MAN1C1: variants seen among roughly 807,000 people sequenced by gnomAD.
MAN1C1 encodes the protein mannosyl-oligosaccharide 1,2-alpha-mannosidase IC.
In MAN1C1, 49 loss-of-function variants were observed where a neutral mutation model predicts 71.5. That is an observed-to-expected ratio of 0.69 (90% CI 0.54 to 0.87). MAN1C1 has a LOEUF of 0.87. MAN1C1 is among the 40% of genes least tolerant of loss of function. The pLI is 0.00. For missense variants in MAN1C1, 743 were observed against 835.0 expected (o/e 0.89, Z 1.36); for synonymous variants, 352 against 343.7 (o/e 1.02, Z -0.27).
At chr1:25,716,435 C>T (rs986632380) in intron 2 of MAN1C1, among the ~76,000 whole-genome samples, 1 of 152,216 alleles carries the variant, frequency 6.6e-6, no homozygotes, top group African/African-American at 2.4e-5. Context: ...CAGGCTTAAG[C>T]CATCCTCCCA....
rs1011599704 is a variant in MAN1C1, at chr1:25,784,046, T to C, written c.*257T>C. The C allele has an allele frequency of 4.7e-5, 19 of 403,322 alleles. No individual in the cohort carries two copies. The highest frequency in any genetic ancestry group is 8.4e-5 in the Non-Finnish European group (19 of 225,454). The allele number at this position is 403,322 out of a possible 1,614,324, so 25.0% of individuals were successfully genotyped here. The stretch of plus-strand genomic sequence containing the variant: ...TTCTATGAAGCCCACTCACTTGCCA[T>C]TCCAGGGCCAAAGGACCGGAGGTTT... On this transcript the variant is annotated 3_prime_UTR_variant, in exon 12 of 12. Coordinates refer to ENST00000374332, the MANE Select transcript of MAN1C1 (RefSeq NM_020379.4).
intron 1 of MAN1C1, among the ~76,000 whole-genome samples, chr1:25,662,321 C>A (rs773696811): frequency 1.2e-4 from 18 of 152,108 alleles, no homozygotes; most frequent in African/African-American, 3.6e-4. Flanking sequence ...TTCTGGAGAA[C>A]GAGCCTTCAT....
At chr1:25,663,152 A>G (rs887600662) in intron 1 of MAN1C1, among the ~76,000 whole-genome samples, 5 of 148,036 alleles carry the variant, frequency 3.4e-5, no homozygotes, top group African/African-American at 9.8e-5. Context: ...TTTTAAATAC[A>G]TGTATATATA....
intron 2 of MAN1C1, among the ~76,000 whole-genome samples, chr1:25,699,370 G>A (rs942339421): frequency 1.3e-5 from 2 of 152,066 alleles, no homozygotes; most frequent in African/African-American, 4.8e-5. Flanking sequence ...AGAAACACAT[G>A]GGCAAAGTCC....
chr1:25,677,153 G>A (rs954633988), intron 1 of MAN1C1, among the ~76,000 whole-genome samples: 7 of 152,158 alleles, frequency 4.6e-5, no homozygotes, highest in African/African-American at 7.2e-5. Flanking sequence ...AAAAAATTCC[G>A]TGTCATTTTG....
intron 1 of MAN1C1, among the ~76,000 whole-genome samples, chr1:25,663,494 CTACTG>C (rs1319148881): frequency 6.6e-6 from 1 of 152,188 alleles, no homozygotes; most frequent in Non-Finnish European, 1.5e-5. Flanking sequence ...AACAATTAAT[CTACTG>C]TAATAAAAAT....
In MAN1C1 at chr1:25,617,821, C is replaced by T; in HGVS notation, c.24C>T (p.Gly8=). 1 of 1,603,754 alleles carries T rather than the reference C, an allele frequency of 6.2e-7. No individual in the cohort carries two copies. Among genetic ancestry groups the T allele is most frequent in the Non-Finnish European group, 8.5e-7 (1 of 1,176,332 alleles). MLMRKVP[G]FVPASPWGLR... ...CGATGCTCATGAGGAAAGTGCCCGG[C>T]TTCGTCCCGGCCTCCCCGTGGGGGC... The change falls in exon 1 of 12, where the codon GGC becomes GGT. Residue 8 remains glycine (G), a synonymous_variant. Transcript: ENST00000374332. The surrounding 1 kb of genome is among the most constrained non-coding windows in gnomAD (Gnocchi z 5.1).
At chr1:25,654,947 G>C (rs1033393068) in intron 1 of MAN1C1, among the ~76,000 whole-genome samples, 3 of 152,128 alleles carry the variant, frequency 2.0e-5, no homozygotes, top group African/African-American at 7.2e-5. Flanking sequence ...GTCGGGCCTA[G>C]GCTGTAAATT....
intron 2 of MAN1C1, among the ~76,000 whole-genome samples, chr1:25,727,371 CG>C (rs1304356898): frequency 6.6e-6 from 1 of 152,206 alleles, no homozygotes; most frequent in African/African-American, 2.4e-5. Flanking sequence ...GAACTCCTCA[CG>C]GGTCCCCAGT....
intron 2 of MAN1C1, among the ~76,000 whole-genome samples, chr1:25,744,774 T>C (rs2047105911): frequency 6.6e-6 from 1 of 152,238 alleles, no homozygotes; most frequent in East Asian, 1.9e-4. Flanking sequence ...AAGCACTCAT[T>C]AAGGAGATTA....
At chr1:25,770,772 C>T (rs1171729079) in intron 7 of MAN1C1, among the ~76,000 whole-genome samples, 1 of 141,750 alleles carries the variant, frequency 7.1e-6, no homozygotes, top group Admixed American at 7.7e-5. Context: ...GAGTTGAAAA[C>T]ACTCTGCCCA....
chr1:25,702,584 C>CAGTTAA (rs2046461312), intron 2 of MAN1C1, among the ~76,000 whole-genome samples: 1 of 152,206 alleles, frequency 6.6e-6, no homozygotes, highest in Non-Finnish European at 1.5e-5. Context: ...TAAACAGAAG[C>CAGTTAA]ACAGGCTTTG....
rs575791203 is a variant in MAN1C1, at chr1:25,782,973, C to T, written c.1766+273C>T. On this transcript the variant is annotated intron_variant, in intron 11 of 11. Coordinates refer to ENST00000374332, the MANE Select transcript of MAN1C1 (RefSeq NM_020379.4). The surrounding 1 kb of genome is among the most constrained non-coding windows in gnomAD (Gnocchi z 4.4). ...GTTTCTCGCTTATCTCCCCAGGTTG[C>T]TTCCGTTCTGGGAACCGCGTCCTCG... 3.3e-5 allele frequency among the ~76,000 whole-genome samples: 5 copies of T among 152,304 alleles called. No individual in the cohort carries two copies. The South Asian group carries it at 1.0e-3, about 32-fold the overall frequency.
At position 25,769,798 on chromosome 1, in the gene MAN1C1, T is replaced by C. The variant is rs2047521731; in HGVS notation, c.1142-1859T>C. 6.6e-6 allele frequency among the ~76,000 whole-genome samples: 1 copy of C among 152,202 alleles called. No individual in the cohort carries two copies. The highest frequency in any genetic ancestry group is 2.1e-4 in the South Asian group (1 of 4,834). On this transcript the variant is annotated intron_variant, in intron 7 of 11. Coordinates refer to ENST00000374332, the MANE Select transcript of MAN1C1 (RefSeq NM_020379.4). This position sits in a 1 kb window ranked among gnomAD's most constrained non-coding sequence, Gnocchi z 4.8. ...AGGCAGACCCGTACGCAGGCACTCATCGCACACCCGGCGGGCACCCGATGG... is the reference window on the plus strand; with the variant it reads ...AGGCAGACCCGTACGCAGGCACTCACCGCACACCCGGCGGGCACCCGATGG...
chr1:25,678,852 G>A (rs1247704729), intron 1 of MAN1C1, among the ~76,000 whole-genome samples: 2 of 152,266 alleles, frequency 1.3e-5, no homozygotes, highest in East Asian at 1.9e-4. Flanking sequence ...AAAAACAAAG[G>A]TACCTGCAGA....
At chr1:25,685,283 A>G (rs1191109713) in intron 1 of MAN1C1, among the ~76,000 whole-genome samples, 1 of 152,210 alleles carries the variant, frequency 6.6e-6, no homozygotes, top group Non-Finnish European at 1.5e-5. Context: ...CAGAGGTGGG[A>G]TTAGAACCTC....
chr1:25,665,501 C>T (rs922113762), intron 1 of MAN1C1, among the ~76,000 whole-genome samples: 2 of 152,174 alleles, frequency 1.3e-5, no homozygotes, highest in Non-Finnish European at 2.9e-5. Flanking sequence ...AAATAGTTAG[C>T]TGCATTCTGC....
chr1:25,718,285 C>A (rs560882606), intron 2 of MAN1C1, among the ~76,000 whole-genome samples: 2 of 152,158 alleles, frequency 1.3e-5, no homozygotes, highest in Non-Finnish European at 2.9e-5. Context: ...TGTGTCCCAG[C>A]GCATTAGGTG....
chr1:25,759,151 G>A, intron 6 of MAN1C1: 1 of 193,018 alleles, frequency 5.2e-6, no homozygotes, highest in Non-Finnish European at 1.1e-5. Flanking sequence ...TGCCTGTTTA[G>A]CTCATGCCAT....
Sources: gnomAD v4.1 joint callset for allele counts (sites outside exome capture counted in the v4.1 genomes callset) on GRCh38, gnomAD v4.1.1 for gene constraint, Gnocchi (gnomAD v3.1) non-coding constraint, MANE v1.5 for transcripts, NCBI Gene and HGNC (gene_info 2026-07-23, HGNC 2026-07-21) for gene names.